The following GNL2 variants were observed in gnomAD, a reference collection of about 807,000 sequenced individuals.
The protein encoded by GNL2 is nucleolar GTP-binding protein 2.
GNL2 carries 51 observed loss-of-function variants against 92.3 expected under a neutral mutation model. The observed-to-expected ratio is 0.55, with a 90% CI of 0.44 to 0.70. The LOEUF (loss-of-function observed/expected upper bound fraction) is 0.70, where lower values mean the gene tolerates loss of function less well. Among genes scored for constraint, GNL2 ranks in the 30% least tolerant of loss-of-function variants. The pLI is 0.00. For missense variants in GNL2, 844 were observed against 895.6 expected (o/e 0.94, Z 0.74); for synonymous variants, 283 against 300.6 (o/e 0.94, Z 0.61).
At chr1:37,573,158 T>C (rs1643620462) in intron 12 of GNL2, among the ~76,000 whole-genome samples, 2 of 152,160 alleles carry the variant, frequency 1.3e-5, no homozygotes, top group African/African-American at 2.4e-5. Context: ...AAATTTTTGT[T>C]TGGTTGTTTG....
intron 14 of GNL2, 79 bp from the exon 15 acceptor site, chr1:37,567,843 G>A: frequency 1.8e-6 from 2 of 1,083,804 alleles, no homozygotes; most frequent in Non-Finnish European, 1.4e-6. Context: ...CAAGCTTGAT[G>A]TATCAGGAGG....
chr1:37,581,065 AG>A (rs1244376425), intron 8 of GNL2, among the ~76,000 whole-genome samples: 2 of 152,208 alleles, frequency 1.3e-5, no homozygotes, highest in East Asian at 3.8e-4. Flanking sequence ...CTAACAATAC[AG>A]GGGGAAGTAC....
At position 37,567,647 on chromosome 1, in the gene GNL2, C is replaced by A. The variant is rs759961902; in HGVS notation, c.2043+26G>T. 6 of 1,440,852 alleles carry A rather than the reference C, an allele frequency of 4.2e-6. No individual in the cohort carries two copies. In the Admixed American group the frequency reaches 8.4e-5, roughly 20 times the overall value. The allele number at this position is 1,440,852 out of a possible 1,614,324, so 89.3% of individuals were successfully genotyped here. On this transcript the variant is annotated intron_variant, in intron 15 of 15. Transcript: ENST00000373062. ...TGGAGTTCTAGTTACTCTACTTGGG[C>A]CATACTTAAAACCTATGACACTTAC...
chr1:37,593,684 A>G (rs1337716253), intron 2 of GNL2, 78 bp downstream of exon 2: 1 of 954,684 alleles, frequency 1.0e-6, no homozygotes, highest in Non-Finnish European at 1.7e-6. Context: ...GGGTGAGAAC[A>G]GCAAAGGCTT....
In GNL2 at chr1:37,587,132, A is replaced by G. The variant is rs146356670; in HGVS notation, c.569+179T>C. The stretch of plus-strand genomic sequence containing the variant: ...AATACAAAAAATTAGCCAGGCATGG[A>G]GGCATCCACCTGTAGTCCCAGCTAC... On this transcript the variant is annotated intron_variant, in intron 5 of 15. Coordinates refer to ENST00000373062, the MANE Select transcript of GNL2 (RefSeq NM_013285.3). Among the ~76,000 whole-genome samples, 798 of 152,100 alleles carry G rather than the reference A, an allele frequency of 5.2e-3. 10 individuals carry two copies. The highest frequency in any genetic ancestry group is 0.018 in the African/African-American group (763 of 41,502).
At chr1:37,584,461 T>TAAAAAAAAAAAAAAAAA (rs377282004) in intron 5 of GNL2, among the ~76,000 whole-genome samples, 1 of 115,246 alleles carries the variant, frequency 8.7e-6, no homozygotes, top group Non-Finnish European at 1.8e-5. Context: ...AATAATTAAT[T>TAAAAAAAAAAAAAAAAA]AAAAAAAAAA....
intron 8 of GNL2, 61 bp downstream of exon 8, chr1:37,582,162 C>T: frequency 8.7e-7 from 1 of 1,144,994 alleles, no homozygotes; most frequent in Non-Finnish European, 1.3e-6. Context: ...CATGGCAAGA[C>T]AGATTCTTAT....
intron 4 of GNL2, among the ~76,000 whole-genome samples, chr1:37,589,255 C>G (rs1643873259): frequency 6.6e-6 from 1 of 152,176 alleles, no homozygotes; most frequent in African/African-American, 2.4e-5. Context: ...ATAACCAGGC[C>G]TTGGTTTTTA....
chr1:37,573,222 C>A (rs2148130225), intron 12 of GNL2, among the ~76,000 whole-genome samples: 1 of 152,324 alleles, frequency 6.6e-6, no homozygotes, highest in Middle Eastern at 3.4e-3. Flanking sequence ...TTCAGGCTAA[C>A]TTTCAAATGC....
chr1:37,592,435 T>C (rs540315130), intron 3 of GNL2, among the ~76,000 whole-genome samples: 1 of 152,308 alleles, frequency 6.6e-6, no homozygotes, highest in East Asian at 1.9e-4. Flanking sequence ...AAGATTAAGA[T>C]GAGCATTCTA....
In GNL2 at chr1:37,593,787, T is replaced by A. The variant is rs192959837; in HGVS notation, c.124A>T (p.Asn42Tyr). Residue 42 changes from asparagine to tyrosine, a missense_variant, in exon 2 of 16, where the codon AAT (asparagine) becomes TAT (tyrosine). Asn to Tyr is a moderately radical substitution (Grantham distance 143). Transcript: ENST00000373062. ...CTGCGCTCCTTTTGCCTATACATATTCAGGCGCCGGATGGTGGCCCGGTCC... is the reference window on the plus strand; with the variant it reads ...CTGCGCTCCTTTTGCCTATACATATACAGGCGCCGGATGGTGGCCCGGTCC... ...MRDRATIRRL[N>Y]MYRQKERRNS... 1 of 1,613,960 alleles carries A rather than the reference T, an allele frequency of 6.2e-7. No individual in the cohort carries two copies. The highest frequency in any genetic ancestry group is 2.2e-5 in the East Asian group (1 of 44,878).
In GNL2 at chr1:37,593,836, C is replaced by A; in HGVS notation, c.75G>T (p.Gln25His). 6.2e-7 allele frequency: 1 copy of A among 1,613,040 alleles called. No homozygotes were observed. The highest frequency in any genetic ancestry group is 8.5e-7 in the Non-Finnish European group (1 of 1,179,278). ...SKASTNPDRV[Q>H]GAGGQNMRDR... ...CCCTCATGTTTTGGCCTCCTGCTCC[C>A]TGCACTCGATCTACAAAAGGCAGAA... Residue 25 changes from glutamine to histidine, a missense_variant, in exon 2 of 16, where the codon CAG (glutamine) becomes CAT (histidine). Physicochemically the swap from Gln to His is conservative, Grantham distance 24 (BLOSUM62 0). Transcript: ENST00000373062.
In GNL2 at chr1:37,574,346, G is replaced by A. The variant is rs1643641869; in HGVS notation, c.1413C>T (p.Pro471=). ...KPPNAEPLVA[P]QLLPSSSLEV... ...GGTGGGCCCACCCTGCTCTTACCTGGGGGGCCACAAGTGGCTCTGCATTGG... is the reference window on the plus strand; with the variant it reads ...GGTGGGCCCACCCTGCTCTTACCTGAGGGGCCACAAGTGGCTCTGCATTGG... The change falls in exon 12 of 16, where the codon CCC becomes CCT. Residue 471 remains proline (P), a synonymous_variant. Coordinates refer to ENST00000373062, the MANE Select transcript of GNL2 (RefSeq NM_013285.3). The A allele has an allele frequency of 6.2e-7, 1 of 1,612,130 alleles. No homozygotes were observed. Among genetic ancestry groups the A allele is most frequent in the Non-Finnish European group, 8.5e-7 (1 of 1,178,510 alleles).
At chr1:37,583,087 C>T in intron 6 of GNL2, 151 bp from the exon 7 acceptor site, 1 of 466,790 alleles carries the variant, frequency 2.1e-6, no homozygotes, top group Non-Finnish European at 3.7e-6. Flanking sequence ...ATCTCAAGGC[C>T]CAGTGATCAG....
At chr1:37,573,753 TG>T (rs1227355416) in intron 12 of GNL2, among the ~76,000 whole-genome samples, 2 of 152,232 alleles carry the variant, frequency 1.3e-5, no homozygotes, top group African/African-American at 4.8e-5. Flanking sequence ...TATCTAAGTT[TG>T]GTCTTCTCTC....
At chr1:37,571,496 T>G (rs12093950) in intron 12 of GNL2, among the ~76,000 whole-genome samples, 6,975 of 152,254 alleles carry the variant, frequency 0.046, 498 homozygotes, top group African/African-American at 0.16. Flanking sequence ...GGGATCTGCA[T>G]GAGAACACAG....
At chr1:37,583,024 T>G in intron 6 of GNL2, 88 bp from the exon 7 acceptor site, 1 of 879,602 alleles carries the variant, frequency 1.1e-6, no homozygotes, top group Non-Finnish European at 1.7e-6. Context: ...AATAAAATAA[T>G]AATATTTAGA....
At chr1:37,592,989 A>G (rs113539871) in intron 2 of GNL2, among the ~76,000 whole-genome samples, 183 bp from the exon 3 acceptor site, 46 of 152,368 alleles carry the variant, frequency 3.0e-4, no homozygotes, top group African/African-American at 1.1e-3. Context: ...AAAGCCATTT[A>G]ACCTCTTGCA....
rs188709422 is a variant in GNL2 at position 37,591,473 on chromosome 1, C to T, written c.245-628G>A. Among the ~76,000 whole-genome samples the T allele has an allele frequency of 4.0e-5, 6 of 150,652 alleles. No homozygotes were observed. The East Asian group carries it at 5.8e-4, about 15-fold the overall frequency. On this transcript the variant is annotated intron_variant, in intron 3 of 15. Transcript: ENST00000373062. ...TATATTATACTCACTATTTGCTAGG[C>T]GCTATTCTAAGCACTTTATATATAT...
Sources: gnomAD v4.1 joint callset for allele counts (sites outside exome capture counted in the v4.1 genomes callset) on GRCh38, gnomAD v4.1.1 for gene constraint, MANE v1.5 for transcripts, NCBI Gene and HGNC (gene_info 2026-07-23, HGNC 2026-07-21) for gene names.